Variants in SDCCAG8 observed in about 807,000 individuals in gnomAD.
SDCCAG8 encodes SHH signaling and ciliogenesis regulator SDCCAG8.
A neutral mutation model predicts 101.8 loss-of-function variants in SDCCAG8; 74 were observed. That is an observed-to-expected ratio of 0.73 (90% CI 0.60 to 0.88). The LOEUF (loss-of-function observed/expected upper bound fraction) is 0.88, where lower values mean the gene tolerates loss of function less well. SDCCAG8 is among the 40% of genes least tolerant of loss of function. SDCCAG8 has a pLI of 0.00. For synonymous variants in SDCCAG8, 281 were observed against 292.9 expected, an observed-to-expected ratio of 0.96 and a Z score of 0.41; for missense variants, 787 against 822.6, an observed-to-expected ratio of 0.96 and a Z score of 0.53.
intron 7 of SDCCAG8, chr1:243,307,668 TG>T (rs2072290845): frequency 8.3e-7 from 1 of 1,198,710 alleles, no homozygotes; most frequent in Non-Finnish European, 1.0e-6. Context: ...ATTTTTGTTT[TG>T]TGGTTAATAT....
chr1:243,299,470 A>C (rs534520200), intron 6 of SDCCAG8, among the ~76,000 whole-genome samples: 6 of 152,160 alleles, frequency 3.9e-5, no homozygotes, highest in African/African-American at 1.4e-4. Context: ...CTGGAGTGCA[A>C]TGGCATGATC....
intron 13 of SDCCAG8, among the ~76,000 whole-genome samples, chr1:243,395,217 C>T (rs1421996949): frequency 6.6e-6 from 1 of 152,150 alleles, no homozygotes; most frequent in Non-Finnish European, 1.5e-5. Flanking sequence ...TGAAGAGTTC[C>T]TTCACGGTGA....
chr1:243,312,787 A>G (rs796802314), intron 8 of SDCCAG8, among the ~76,000 whole-genome samples: 48 of 151,944 alleles, frequency 3.2e-4, no homozygotes, highest in African/African-American at 1.1e-3. Context: ...GGCCACCCAT[A>G]TGTTTCTGGT....
Position 243,256,187 on chromosome 1 carries a change from C to T in SDCCAG8, c.14C>T (p.Pro5Leu), listed in dbSNP as rs747363592. 3.7e-6 allele frequency: 6 copies of T among 1,614,174 alleles called. No individual in the cohort carries two copies. In the Admixed American group the frequency reaches 8.3e-5, roughly 22 times the overall value. MAKS[P>L]ENSTLEEILG... ...TAGAGTGCGTGCATGGCGAAGTCCCCGGAGAACTCTACCCTGGAGGAGATT... is the reference window on the plus strand; with the variant it reads ...TAGAGTGCGTGCATGGCGAAGTCCCTGGAGAACTCTACCCTGGAGGAGATT... Residue 5 changes from proline (P) to leucine (L), a missense_variant, in exon 1 of 18, where the codon CCG (proline) becomes CTG (leucine). Coordinates refer to ENST00000366541, the MANE Select transcript of SDCCAG8 (RefSeq NM_006642.5).
chr1:243,433,582 G>A (rs1317516824), intron 16 of SDCCAG8, among the ~76,000 whole-genome samples: 2 of 152,174 alleles, frequency 1.3e-5, no homozygotes, highest in African/African-American at 2.4e-5. Flanking sequence ...GGCTAGACAG[G>A]AGTTGGCTGC....
In SDCCAG8 at chr1:243,344,276, A is replaced by G; in HGVS notation, c.1418A>G (p.Lys473Arg). 1 of 1,614,050 alleles carries G rather than the reference A, an allele frequency of 6.2e-7. No homozygotes were observed. The highest frequency in any genetic ancestry group is 8.5e-7 in the Non-Finnish European group (1 of 1,179,942). Residue 473 changes from lysine (K) to arginine (R), a missense_variant, in exon 12 of 18, where the codon AAG becomes AGG. By Grantham distance (26) the Lys-to-Arg change is conservative (BLOSUM62 2). Transcript: ENST00000366541. ...KTNMEKDEAE[K>R]EHREFRAKTN... is the part of the protein sequence containing the mutation. Reference sequence around the variant, plus strand: ...AACATGGAGAAGGATGAGGCAGAAAAGGAGCACAGAGAGTTCAGAGCAAAA... The same window carrying G: ...AACATGGAGAAGGATGAGGCAGAAAGGGAGCACAGAGAGTTCAGAGCAAAA...
At chr1:243,444,378 GT>G (rs201182052) in intron 16 of SDCCAG8, among the ~76,000 whole-genome samples, 34 of 143,682 alleles carry the variant, frequency 2.4e-4, no homozygotes, top group Admixed American at 2.8e-4. Context: ...TGTTTGTTTT[GT>G]TTTTTTTTTT....
intron 12 of SDCCAG8, among the ~76,000 whole-genome samples, chr1:243,373,985 C>G (rs190353735): frequency 1.2e-4 from 18 of 152,046 alleles, no homozygotes; most frequent in Non-Finnish European, 2.2e-4. Flanking sequence ...ACTGAGGCAA[C>G]ATATAATAAG....
intron 13 of SDCCAG8, among the ~76,000 whole-genome samples, chr1:243,383,652 A>C (rs12239876): frequency 0.11 from 16,765 of 152,140 alleles, 1,022 homozygotes; most frequent in South Asian, 0.15. Flanking sequence ...ACACCCTTCC[A>C]GTCTCTTTTG....
chr1:243,432,221 G>C (rs569694768), intron 16 of SDCCAG8, among the ~76,000 whole-genome samples: 1 of 152,272 alleles, frequency 6.6e-6, no homozygotes, highest in African/African-American at 2.4e-5. Flanking sequence ...AACAAAAAGA[G>C]TCCTTTGCAG....
chr1:243,302,639 G>T (rs2071636300), intron 6 of SDCCAG8, among the ~76,000 whole-genome samples: 1 of 152,196 alleles, frequency 6.6e-6, no homozygotes. Flanking sequence ...GCCAGTAAGA[G>T]ACTGCCTTTT....
At chr1:243,326,511 C>T (rs1244209844) in intron 9 of SDCCAG8, among the ~76,000 whole-genome samples, 2 of 151,844 alleles carry the variant, frequency 1.3e-5, no homozygotes, top group East Asian at 3.9e-4. Flanking sequence ...ATTATCTGTC[C>T]CAAAAGAAGT....
chr1:243,361,018 C>T (rs2076680520), intron 12 of SDCCAG8, among the ~76,000 whole-genome samples: 1 of 152,122 alleles, frequency 6.6e-6, no homozygotes, highest in Non-Finnish European at 1.5e-5. Context: ...CTGTCTGGAA[C>T]TTGGTCATTT....
intron 16 of SDCCAG8, among the ~76,000 whole-genome samples, chr1:243,437,776 G>C (rs991168316): frequency 6.6e-5 from 10 of 152,154 alleles, no homozygotes; most frequent in African/African-American, 2.4e-4. Context: ...CTGACCTCGT[G>C]ATCCGCCCGC....
At chr1:243,386,514 G>A (rs1209481561) in intron 13 of SDCCAG8, among the ~76,000 whole-genome samples, 1 of 152,128 alleles carries the variant, frequency 6.6e-6, no homozygotes, top group Non-Finnish European at 1.5e-5. Flanking sequence ...AGCACTTTGG[G>A]AGGCCGAGAC....
intron 13 of SDCCAG8, among the ~76,000 whole-genome samples, chr1:243,383,250 A>G (rs2078069897): frequency 6.6e-6 from 1 of 152,206 alleles, no homozygotes; most frequent in Admixed American, 6.5e-5. Flanking sequence ...TACTTTTCTT[A>G]GGGGAGGTCC....
chr1:243,436,529 A>G (rs1174277600), intron 16 of SDCCAG8, among the ~76,000 whole-genome samples: 1 of 152,184 alleles, frequency 6.6e-6, no homozygotes, highest in Non-Finnish European at 1.5e-5. Flanking sequence ...GCTGTTTGTC[A>G]AAGATCAGTT....
intron 6 of SDCCAG8, chr1:243,293,558 T>C (rs2070487911): frequency 2.2e-6 from 1 of 462,516 alleles, no homozygotes; most frequent in Non-Finnish European, 4.3e-6. Flanking sequence ...ACTTGTCCTT[T>C]TGTGTCTGGC....
At chr1:243,295,412 A>G (rs1215835409) in intron 6 of SDCCAG8, among the ~76,000 whole-genome samples, 1 of 151,860 alleles carries the variant, frequency 6.6e-6, no homozygotes, top group African/African-American at 2.4e-5. Context: ...TGATTTTTGT[A>G]TTTTTAGTAG....
Sources: gnomAD v4.1 joint callset for allele counts (sites outside exome capture counted in the v4.1 genomes callset) on GRCh38, gnomAD v4.1.1 for gene constraint, MANE v1.5 for transcripts, NCBI Gene and HGNC (gene_info 2026-07-23, HGNC 2026-07-21) for gene names.